The following ST7 variants were observed in gnomAD, a reference collection of about 807,000 sequenced individuals.
ST7 encodes suppression of tumorigenicity 7, also known as suppressor of tumorigenicity 7 protein.
In ST7, 28 loss-of-function variants were observed where a neutral mutation model predicts 78.7. That is an observed-to-expected ratio of 0.36 (90% confidence interval 0.26 to 0.49). The LOEUF (loss-of-function observed/expected upper bound fraction) is 0.49, where lower values mean the gene tolerates loss of function less well. ST7 is among the 20% of genes least tolerant of loss of function. The probability of loss-of-function intolerance (pLI) is 0.99; values close to 1 mark genes in which losing one functional copy is unlikely to be tolerated. For synonymous variants in ST7, 247 were observed against 249.6 expected (o/e 0.99, Z 0.10); for missense variants, 418 against 696.0 (o/e 0.60, Z 4.49).
At chr7:117,158,950 C>G (rs1806918249) in intron 9 of ST7, among the ~76,000 whole-genome samples, 1 of 152,050 alleles carries the variant, frequency 6.6e-6, no homozygotes, top group South Asian at 2.1e-4. Flanking sequence ...TTTAATTAGC[C>G]CAAGCTTGTA....
chr7:117,094,942 A>G (rs118005824), intron 1 of ST7, among the ~76,000 whole-genome samples: 202 of 152,122 alleles, frequency 1.3e-3, no homozygotes, highest in African/African-American at 4.4e-3. Context: ...TTTGCATGTC[A>G]TATTTTAGCA....
intron 9 of ST7, among the ~76,000 whole-genome samples, chr7:117,165,350 G>C (rs775708053): frequency 2.6e-5 from 4 of 152,062 alleles, no homozygotes; most frequent in Admixed American, 6.6e-5. Flanking sequence ...TCCATTTTCA[G>C]ACAGCTCTAA....
intron 13 of ST7, among the ~76,000 whole-genome samples, chr7:117,211,701 A>C (rs918571553): frequency 3.3e-5 from 5 of 152,174 alleles, no homozygotes; most frequent in African/African-American, 1.2e-4. Flanking sequence ...CCATAGAAAA[A>C]ATAAAAATCC....
At chr7:116,954,978 C>T in intron 1 of ST7, 1 of 353,200 alleles carries the variant, frequency 2.8e-6, no homozygotes, top group Non-Finnish European at 5.7e-6. Context: ...TTGTAGTATC[C>T]CTCGGGATCG....
chr7:117,203,976 A>G (rs1438208460), intron 12 of ST7, among the ~76,000 whole-genome samples: 4 of 152,204 alleles, frequency 2.6e-5, no homozygotes, highest in Non-Finnish European at 4.4e-5. Context: ...ATGAACAGAG[A>G]AGTGAACCAG....
At chr7:117,161,591 CTTTTTT>C (rs60505994) in intron 9 of ST7, among the ~76,000 whole-genome samples, 126 of 113,586 alleles carry the variant, frequency 1.1e-3, no homozygotes, top group Admixed American at 3.4e-3. Flanking sequence ...TTCTTTCTTT[CTTTTTT>C]TTTTTTTTTT....
chr7:117,210,062 A>G, intron 13 of ST7, 125 bp downstream of exon 13: 1 of 1,166,210 alleles, frequency 8.6e-7, no homozygotes, highest in Non-Finnish European at 1.2e-6. Context: ...GTGATGGCCC[A>G]TCTAAGCCAG....
chr7:117,066,197 C>T (rs1798622459), intron 1 of ST7, among the ~76,000 whole-genome samples: 1 of 152,160 alleles, frequency 6.6e-6, no homozygotes, highest in African/African-American at 2.4e-5. Context: ...TGCCAATCAC[C>T]TGCCTTTAAA....
chr7:117,017,071 G>A (rs775525929), intron 1 of ST7, among the ~76,000 whole-genome samples: 9 of 152,130 alleles, frequency 5.9e-5, no homozygotes, highest in Non-Finnish European at 1.2e-4. Context: ...TTCCTTCCAC[G>A]TGGTTTTCAG....
In ST7 at chr7:117,200,615, C is replaced by T. The variant is rs191926982; in HGVS notation, c.1255-9172C>T. 1.3e-4 allele frequency among the ~76,000 whole-genome samples: 20 copies of T among 152,128 alleles called. No homozygotes were observed. In the East Asian group the frequency reaches 1.5e-3, roughly 12 times the overall value. ...CACAACAGGCAGTCCCAGAGGGTAC[C>T]GAGGGGAGGAGGGTGCCACACTCCC... On this transcript the variant is annotated intron_variant, in intron 12 of 15. Transcript: ENST00000323984.
At chr7:116,977,494 C>A (rs1402055050) in intron 1 of ST7, among the ~76,000 whole-genome samples, 3 of 152,194 alleles carry the variant, frequency 2.0e-5, no homozygotes, top group African/African-American at 7.2e-5. Flanking sequence ...TAAATATAAT[C>A]TAATTTGTGC....
intron 8 of ST7, chr7:117,137,462 A>G (rs1804887619): frequency 6.6e-6 from 1 of 152,150 alleles, no homozygotes; most frequent in Non-Finnish European, 1.5e-5. Flanking sequence ...TACATAACCT[A>G]TAATACAACA....
At chr7:117,175,219 A>G (rs1252928367) in intron 10 of ST7, among the ~76,000 whole-genome samples, 1 of 152,152 alleles carries the variant, frequency 6.6e-6, no homozygotes, top group Non-Finnish European at 1.5e-5. Context: ...TCAGTCATAC[A>G]TTTGCTATAA....
intron 1 of ST7, chr7:116,966,051 T>G: frequency 2.2e-6 from 1 of 458,100 alleles, no homozygotes; most frequent in East Asian, 7.0e-5. Context: ...CCAACTAACT[T>G]TCTAGAAATA....
At chr7:116,966,338 C>T (rs1178433535) in intron 1 of ST7, among the ~76,000 whole-genome samples, 3 of 151,006 alleles carry the variant, frequency 2.0e-5, no homozygotes, top group Non-Finnish European at 4.4e-5. Context: ...GCAACCTCCA[C>T]CTTCCAGGTT....
chr7:116,973,454 C>T (rs1793540515), intron 1 of ST7, among the ~76,000 whole-genome samples: 2 of 152,132 alleles, frequency 1.3e-5, no homozygotes, highest in Non-Finnish European at 2.9e-5. Context: ...ATGGGGTCTC[C>T]CCATGTTGCC....
chr7:116,960,178 CT>C (rs375230344), intron 1 of ST7, among the ~76,000 whole-genome samples: 3 of 148,360 alleles, frequency 2.0e-5, no homozygotes, highest in Non-Finnish European at 4.5e-5. Context: ...CGCTGGGATT[CT>C]TTTTTTTTTG....
intron 1 of ST7, among the ~76,000 whole-genome samples, chr7:117,002,639 C>CTGTGTG (rs140099821): frequency 0.52 from 76,445 of 145,648 alleles, 20,275 homozygotes; most frequent in Admixed American, 0.63. Flanking sequence ...GTAGTTGAGG[C>CTGTGTG]TGTGTGTGTG....
At chr7:117,078,207 G>T (rs930970763) in intron 1 of ST7, among the ~76,000 whole-genome samples, 2 of 152,220 alleles carry the variant, frequency 1.3e-5, no homozygotes, top group African/African-American at 4.8e-5. Context: ...CATAGGTGCA[G>T]CCATGTTCAT....
Sources: gnomAD v4.1 joint callset for allele counts (sites outside exome capture counted in the v4.1 genomes callset) on GRCh38, gnomAD v4.1.1 for gene constraint, MANE v1.5 for transcripts, NCBI Gene and HGNC (gene_info 2026-07-23, HGNC 2026-07-21) for gene names.